The following CEP57 variants were observed in gnomAD, a reference collection of about 807,000 sequenced individuals.
CEP57 encodes centrosomal protein 57, also known as centrosomal protein of 57 kDa.
Under a neutral mutation model 68.0 loss-of-function variants are expected in CEP57, and 40 were observed. The ratio of observed to expected loss-of-function variants is 0.59; its 90% confidence interval spans 0.46 to 0.77. The LOEUF is 0.77. Ranked by LOEUF, CEP57 falls within the 30% of genes least tolerant of loss-of-function variation. The pLI is 0.00. For synonymous variants in CEP57, 219 were observed against 198.7 expected (o/e 1.10, Z -0.86); for missense variants, 606 against 580.7 (o/e 1.04, Z -0.45).
In CEP57 at chr11:95,821,908, A is replaced by T; in HGVS notation, c.737A>T (p.Glu246Val). The T allele has an allele frequency of 1.2e-6, 2 of 1,612,578 alleles. No homozygotes were observed. Among genetic ancestry groups the T allele is most frequent in the Non-Finnish European group, 1.7e-6 (2 of 1,179,494 alleles). ...CTAGAAACAAATAGACTTATCTTTG[A>T]AGATAAGGCAACTCCGTGTGTTCCC... ...TGLETNRLIF[E>V]DKATPCVPNA... is the part of the protein sequence containing the mutation. Residue 246 changes from glutamate to valine, a missense_variant, in exon 7 of 11, where the codon GAA (glutamate) becomes GTA (valine). Coordinates refer to ENST00000325542, the MANE Select transcript of CEP57 (RefSeq NM_014679.5).
intron 2 of CEP57, among the ~76,000 whole-genome samples, chr11:95,805,124 A>G (rs1861739125): frequency 6.6e-6 from 1 of 152,354 alleles, no homozygotes; most frequent in East Asian, 1.9e-4. Flanking sequence ...AACATTGTGT[A>G]CTGTTGGGTA....
chr11:95,814,759 C>T (rs1035805126), intron 4 of CEP57, among the ~76,000 whole-genome samples: 1 of 151,958 alleles, frequency 6.6e-6, no homozygotes, highest in Admixed American at 6.6e-5. Flanking sequence ...ATTATAAAAT[C>T]GGATTGTTTA....
At chr11:95,824,697 T>A (rs1185214578) in intron 8 of CEP57, among the ~76,000 whole-genome samples, 8 of 152,040 alleles carry the variant, frequency 5.3e-5, no homozygotes, top group Non-Finnish European at 1.2e-4. Flanking sequence ...CGAAGGATAT[T>A]TATAAGTAAG....
intron 1 of CEP57, chr11:95,794,176 GCAAGGGGCAACTC>G (rs1861228696): frequency 2.3e-6 from 1 of 436,480 alleles, no homozygotes; most frequent in East Asian, 7.0e-5. Context: ...GAAAAAGTTT[GCAAGGGGCAACTC>G]TAGGGCAGTG....
chr11:95,803,060 T>C (rs1861648519), intron 2 of CEP57, among the ~76,000 whole-genome samples: 1 of 152,146 alleles, frequency 6.6e-6, no homozygotes, highest in Non-Finnish European at 1.5e-5. Context: ...GAGGTTTACA[T>C]CAGAAGTAAG....
In CEP57 at chr11:95,790,558, G is replaced by A. The variant is rs1372934797; in HGVS notation, c.-141G>A. On this transcript the variant is annotated 5_prime_UTR_variant, in exon 1 of 11. Transcript: ENST00000325542. ...GGGGGTGTGTTGCAGGGGTTTCCAA[G>A]CCCAGCACCAGCACCCTTGCCCTTT... The A allele has an allele frequency of 1.0e-6, 1 of 992,184 alleles. No individual in the cohort carries two copies. The highest frequency in any genetic ancestry group is 1.5e-6 in the Non-Finnish European group (1 of 651,046). The allele number at this position is 992,184 out of a possible 1,614,324, so 61.5% of individuals were successfully genotyped here.
intron 1 of CEP57, among the ~76,000 whole-genome samples, chr11:95,795,858 C>G (rs76722186): frequency 8.2e-4 from 125 of 152,178 alleles, no homozygotes; most frequent in African/African-American, 2.9e-3. Flanking sequence ...TACACAAACT[C>G]TTTTTTTCAG....
intron 2 of CEP57, among the ~76,000 whole-genome samples, chr11:95,804,885 CAT>C (rs1254987816): frequency 6.6e-6 from 1 of 152,048 alleles, no homozygotes; most frequent in Non-Finnish European, 1.5e-5. Context: ...CCTTTTCAAT[CAT>C]GTGTTTTCTA....
At chr11:95,824,005 T>C (rs1862627787) in intron 8 of CEP57, among the ~76,000 whole-genome samples, 2 of 147,240 alleles carry the variant, frequency 1.4e-5, no homozygotes, top group South Asian at 2.1e-4. Flanking sequence ...ATATGTACCA[T>C]AGATTGAGGT....
chr11:95,821,774 A>G (rs1298931558), intron 6 of CEP57, 97 bp from the exon 7 acceptor site: 9 of 785,814 alleles, frequency 1.1e-5, no homozygotes, highest in Non-Finnish European at 2.0e-5. Context: ...GTTAGATACT[A>G]CCATTGGTTT....
intron 2 of CEP57, among the ~76,000 whole-genome samples, chr11:95,806,742 C>A (rs1861819764): frequency 6.6e-6 from 1 of 152,202 alleles, no homozygotes; most frequent in Non-Finnish European, 1.5e-5. Context: ...TGGGTGGAGC[C>A]CACCGCAGCT....
chr11:95,793,762 A>G (rs1241193582), intron 1 of CEP57, among the ~76,000 whole-genome samples: 1 of 152,222 alleles, frequency 6.6e-6, no homozygotes, highest in African/African-American at 2.4e-5. Flanking sequence ...GGTTGAGTCA[A>G]AGTTCTCTAG....
chr11:95,827,507 CA>C (rs1862794479), intron 8 of CEP57: 1 of 387,994 alleles, frequency 2.6e-6, no homozygotes, highest in African/African-American at 2.0e-5. Flanking sequence ...GGTTTGTTCA[CA>C]AAATGGAGAG....
chr11:95,811,573 G>C (rs570864894), intron 2 of CEP57, among the ~76,000 whole-genome samples: 7 of 147,358 alleles, frequency 4.8e-5, no homozygotes, highest in African/African-American at 1.8e-4. Flanking sequence ...AGAGCTTAAA[G>C]TATAATTAAA....
At chr11:95,830,733 G>A (rs891127235) in intron 10 of CEP57, among the ~76,000 whole-genome samples, 1 of 151,778 alleles carries the variant, frequency 6.6e-6, no homozygotes, top group African/African-American at 2.4e-5. Flanking sequence ...GCCCTGTTCT[G>A]TACTTTGGCA....
At chr11:95,794,248 T>C (rs1861233309) in intron 1 of CEP57, 1 of 455,682 alleles carries the variant, frequency 2.2e-6, no homozygotes, top group Non-Finnish European at 4.4e-6. Flanking sequence ...GGATTACAGC[T>C]CAGTAGTGGG....
Position 95,813,044 on chromosome 11 carries a change from G to C in CEP57, c.315G>C (p.Lys105Asn). 1 of 1,613,808 alleles carries C rather than the reference G, an allele frequency of 6.2e-7. No homozygotes were observed. The highest frequency in any genetic ancestry group is 8.5e-7 in the Non-Finnish European group (1 of 1,179,884). The change falls in exon 3 of 11, where the codon AAG becomes AAC. Residue 105 changes from lysine to asparagine, a missense_variant. Lys to Asn is a moderately conservative substitution (Grantham distance 94). Coordinates refer to ENST00000325542, the MANE Select transcript of CEP57 (RefSeq NM_014679.5). ...KTLSRETIEY[K>N]KVLDEQIQER... ...TGTCTAGAGAAACAATTGAATATAAGAAAGTACTGGATGAACAGATACAAG... is the reference window on the plus strand; with the variant it reads ...TGTCTAGAGAAACAATTGAATATAACAAAGTACTGGATGAACAGATACAAG...
intron 2 of CEP57, among the ~76,000 whole-genome samples, chr11:95,802,221 G>A (rs1861610450): frequency 6.6e-6 from 1 of 151,184 alleles, no homozygotes; most frequent in Admixed American, 6.6e-5. Flanking sequence ...TTCAACAAGA[G>A]TACAGCATGT....
rs745587374 is a variant in CEP57, at chr11:95,827,873, C to G, written c.973C>G (p.Arg325Gly). The G allele has an allele frequency of 2.5e-6, 4 of 1,613,992 alleles. No homozygotes were observed. Among genetic ancestry groups the G allele is most frequent in the Admixed American group, 3.3e-5 (2 of 59,998 alleles). ...KQHSKALCNDRVINSIPLAKQ... is the reference protein window; with the variant it reads ...KQHSKALCNDGVINSIPLAKQ... ...ACACAGTAAAGCTTTGTGCAATGAT[C>G]GAGTCATCAACAGTATTCCTTTGGC... The change falls in exon 9 of 11, where the codon CGA (arginine) becomes GGA (glycine). Residue 325 changes from arginine to glycine, a missense_variant. Coordinates refer to ENST00000325542, the MANE Select transcript of CEP57 (RefSeq NM_014679.5).
Sources: allele counts gnomAD v4.1 joint callset (sites outside exome capture counted in the v4.1 genomes callset), GRCh38; gene constraint gnomAD v4.1.1; transcripts MANE v1.5; gene names NCBI Gene and HGNC (gene_info 2026-07-23, HGNC 2026-07-21).